Variants in NRXN3 observed in about 807,000 individuals in gnomAD.
The protein encoded by NRXN3 is neurexin III.
Under a neutral mutation model 137.6 loss-of-function variants are expected in NRXN3, and 32 were observed. The observed-to-expected ratio is 0.23, with a 90% CI of 0.18 to 0.31. The LOEUF (loss-of-function observed/expected upper bound fraction) is 0.31, where lower values mean the gene tolerates loss of function less well. NRXN3 is among the 10% of genes least tolerant of loss of function. NRXN3 has a pLI of 1.00. For missense variants in NRXN3, 1,574 were observed against 2,062.5 expected, an observed-to-expected ratio of 0.76 and a Z score of 4.59; for synonymous variants, 798 against 784.5, an observed-to-expected ratio of 1.02 and a Z score of -0.29.
intron 4 of NRXN3, among the ~76,000 whole-genome samples, chr14:78,422,400 T>G (rs1196207148): frequency 6.6e-6 from 1 of 152,216 alleles, no homozygotes; most frequent in Non-Finnish European, 1.5e-5. Context: ...TACTGGCAGA[T>G]AGTAGTCTCT....
At chr14:78,297,166 G>GGGGAGAAGT (rs1236168472) in intron 3 of NRXN3, among the ~76,000 whole-genome samples, 1 of 152,170 alleles carries the variant, frequency 6.6e-6, no homozygotes, top group East Asian at 1.9e-4. Context: ...AAAGATGGTG[G>GGGGAGAAGT]GGGAGAAGTG....
intron 8 of NRXN3, among the ~76,000 whole-genome samples, chr14:78,728,853 T>G (rs1365688416): frequency 3.3e-5 from 5 of 152,120 alleles, no homozygotes. Flanking sequence ...GAGCTGAGAC[T>G]GCACCACTGC....
chr14:78,321,819 C>T (rs2079404973), intron 4 of NRXN3, among the ~76,000 whole-genome samples: 1 of 152,144 alleles, frequency 6.6e-6, no homozygotes, highest in Middle Eastern at 3.4e-3. Context: ...CTGGTTTCCC[C>T]TTCCAGATCC....
At chr14:78,415,434 G>T (rs957734635) in intron 4 of NRXN3, among the ~76,000 whole-genome samples, 14 of 152,124 alleles carry the variant, frequency 9.2e-5, no homozygotes, top group Non-Finnish European at 7.4e-5. Flanking sequence ...GGGGTTGACT[G>T]GGTAAGCCGT....
intron 8 of NRXN3, among the ~76,000 whole-genome samples, chr14:78,778,859 C>G (rs563393558): frequency 1.4e-5 from 2 of 142,664 alleles, no homozygotes; most frequent in Non-Finnish European, 3.0e-5. Flanking sequence ...CTTATTTTCT[C>G]TCATTCAAGC....
chr14:78,533,531 C>A (rs538737779), intron 4 of NRXN3, among the ~76,000 whole-genome samples: 2 of 152,306 alleles, frequency 1.3e-5, no homozygotes, highest in South Asian at 2.1e-4. Flanking sequence ...ATTTTTCCTG[C>A]TTTTTGTTCC....
intron 10 of NRXN3, among the ~76,000 whole-genome samples, chr14:78,863,652 A>G (rs993167181): frequency 6.6e-6 from 1 of 152,152 alleles, no homozygotes; most frequent in African/African-American, 2.4e-5. Context: ...GAGATCATTG[A>G]TTTGATCTCT....
chr14:79,633,698 A>C (rs1038296037), intron 16 of NRXN3, among the ~76,000 whole-genome samples: 2 of 152,242 alleles, frequency 1.3e-5, no homozygotes, highest in East Asian at 1.9e-4. Flanking sequence ...ACACATAATA[A>C]GACTCTCTTT....
chr14:79,443,710 A>G (rs10483921), intron 15 of NRXN3, among the ~76,000 whole-genome samples: 46,756 of 152,106 alleles, frequency 0.31, 7,462 homozygotes, highest in South Asian at 0.42. Context: ...TCTTTGGGGC[A>G]AGAAGGGTCC....
intron 1 of NRXN3, among the ~76,000 whole-genome samples, chr14:78,215,223 G>A (rs1003905210): frequency 1.3e-5 from 2 of 152,174 alleles, no homozygotes; most frequent in Non-Finnish European, 2.9e-5. Context: ...CCCTGACCCT[G>A]TAGATGAGAT....
In NRXN3 at chr14:78,825,213, A is replaced by G. The variant is rs527432703; in HGVS notation, c.2275+14869A>G. Among the ~76,000 whole-genome samples the G allele has an allele frequency of 8.3e-3, 1,245 of 150,710 alleles. 19 individuals carry two copies. The highest frequency in any genetic ancestry group is 0.029 in the African/African-American group (1,182 of 41,094). On this transcript the variant is annotated intron_variant, in intron 10 of 20. Coordinates refer to ENST00000335750, the MANE Select transcript of NRXN3 (RefSeq NM_001330195.2). Reference sequence around the variant, plus strand: ...CTCTGCCTCAAAAAAAAAAAAAAAAAAAAAGAAAAAGAAAAAGAAAAATTT... The same window carrying G: ...CTCTGCCTCAAAAAAAAAAAAAAAAGAAAAGAAAAAGAAAAAGAAAAATTT...
chr14:78,227,183 C>G (rs935712730), intron 1 of NRXN3, among the ~76,000 whole-genome samples: 5 of 151,798 alleles, frequency 3.3e-5, no homozygotes, highest in African/African-American at 1.2e-4. Context: ...CTAACATATC[C>G]CAGAAGCAGT....
chr14:78,490,178 GC>G (rs1567737846), intron 4 of NRXN3, among the ~76,000 whole-genome samples: 1 of 24,344 alleles, frequency 4.1e-5, no homozygotes. Context: ...CTCCGAAAGT[GC>G]TGGGATTACA....
chr14:78,616,343 T>C (rs776944081), intron 4 of NRXN3, among the ~76,000 whole-genome samples: 5 of 152,184 alleles, frequency 3.3e-5, no homozygotes, highest in Non-Finnish European at 5.9e-5. Flanking sequence ...TTCATCAAGC[T>C]CTTTTCTGCT....
At chr14:78,442,030 A>G (rs2094269531) in intron 4 of NRXN3, among the ~76,000 whole-genome samples, 1 of 150,416 alleles carries the variant, frequency 6.6e-6, no homozygotes, top group African/African-American at 2.4e-5. Flanking sequence ...CAGGAGGTGG[A>G]GCTTGCAGTG....
chr14:78,574,719 G>A (rs533937458), intron 4 of NRXN3, among the ~76,000 whole-genome samples: 1 of 152,322 alleles, frequency 6.6e-6, no homozygotes, highest in South Asian at 2.1e-4. Flanking sequence ...GAAGGGATTT[G>A]CCTTGTGTCA....
chr14:79,800,873 A>G (rs2099176588), intron 19 of NRXN3, among the ~76,000 whole-genome samples: 1 of 152,238 alleles, frequency 6.6e-6, no homozygotes, highest in South Asian at 2.1e-4. Context: ...AGCCGCTCAT[A>G]TCATCCAAAA....
At chr14:78,184,159 T>G (rs1365366547) in intron 1 of NRXN3, among the ~76,000 whole-genome samples, 1 of 152,260 alleles carries the variant, frequency 6.6e-6, no homozygotes, top group East Asian at 1.9e-4. Flanking sequence ...TTGATATCTA[T>G]CATTCCAGCT....
intron 15 of NRXN3, among the ~76,000 whole-genome samples, chr14:79,017,203 C>T (rs2152424673): frequency 7.0e-6 from 1 of 143,068 alleles, no homozygotes; most frequent in South Asian, 2.4e-4. Context: ...CCACTGCCCT[C>T]CTTGTGCAGA....
Sources: allele counts gnomAD v4.1 joint callset (sites outside exome capture counted in the v4.1 genomes callset), GRCh38; gene constraint gnomAD v4.1.1; transcripts MANE v1.5; gene names NCBI Gene and HGNC (gene_info 2026-07-23, HGNC 2026-07-21).